The following MYRIP variants were observed in gnomAD, a reference collection of about 807,000 sequenced individuals.
MYRIP encodes the protein myosin VIIA and Rab interacting protein.
In MYRIP, 49 loss-of-function variants were observed where a neutral mutation model predicts 98.0. The ratio of observed to expected loss-of-function variants is 0.50; its 90% CI spans 0.40 to 0.63. MYRIP has a LOEUF of 0.63. Ranked by LOEUF, MYRIP falls within the 30% of genes least tolerant of loss-of-function variation. The pLI is 0.00. For synonymous variants in MYRIP, 404 were observed against 409.5 expected (o/e 0.99, Z 0.16); for missense variants, 1,004 against 1,058.2 (o/e 0.95, Z 0.71).
At chr3:40,175,977 C>T (rs1008863352) in intron 8 of MYRIP, among the ~76,000 whole-genome samples, 3 of 152,144 alleles carry the variant, frequency 2.0e-5, no homozygotes, top group Non-Finnish European at 4.4e-5. Context: ...GAGGAACAAC[C>T]ATTGCTTGAG....
At chr3:40,234,171 A>T (rs1241546060) in intron 12 of MYRIP, 118 bp downstream of exon 12, 19 of 1,003,330 alleles carry the variant, frequency 1.9e-5, no homozygotes, top group Admixed American at 3.8e-5. Flanking sequence ...CACCACTACC[A>T]CTATAGCAAA....
At chr3:40,075,958 A>C (rs1294657910) in intron 3 of MYRIP, among the ~76,000 whole-genome samples, 1 of 152,172 alleles carries the variant, frequency 6.6e-6, no homozygotes, top group Non-Finnish European at 1.5e-5. Flanking sequence ...CAATCTGGGA[A>C]GCCAAGGCAG....
At chr3:40,148,431 C>A (rs1950052464) in intron 3 of MYRIP, among the ~76,000 whole-genome samples, 1 of 152,102 alleles carries the variant, frequency 6.6e-6, no homozygotes, top group South Asian at 2.1e-4. Context: ...AGATGCTAGA[C>A]CTCCTGAATT....
intron 1 of MYRIP, among the ~76,000 whole-genome samples, chr3:39,896,626 CCCCAGCAATAATTA>C (rs1283839903): frequency 6.6e-6 from 1 of 152,180 alleles, no homozygotes; most frequent in Non-Finnish European, 1.5e-5. Context: ...AAGTGCAAAG[CCCCAGCAATAATTA>C]CCCTTTATCA....
At chr3:40,208,694 C>T (rs1380006864) in intron 10 of MYRIP, among the ~76,000 whole-genome samples, 1 of 152,208 alleles carries the variant, frequency 6.6e-6, no homozygotes, top group Admixed American at 6.5e-5. Flanking sequence ...AGCTGGTTGA[C>T]TGTTAACTTT....
At chr3:40,106,854 T>G (rs1949058126) in intron 3 of MYRIP, among the ~76,000 whole-genome samples, 1 of 152,180 alleles carries the variant, frequency 6.6e-6, no homozygotes, top group Non-Finnish European at 1.5e-5. Flanking sequence ...TTTGCCCTCC[T>G]TTTTTCTTTG....
intron 2 of MYRIP, among the ~76,000 whole-genome samples, chr3:39,921,127 T>G (rs1006300520): frequency 2.6e-5 from 4 of 152,134 alleles, no homozygotes; most frequent in African/African-American, 9.7e-5. Context: ...CTCTATGAAG[T>G]AGAGAGAATA....
chr3:40,068,551 A>G (rs1487950283), intron 3 of MYRIP, among the ~76,000 whole-genome samples: 5 of 152,234 alleles, frequency 3.3e-5, no homozygotes, highest in African/African-American at 4.8e-5. Flanking sequence ...CAGCAATTCT[A>G]TACAAAATAC....
At chr3:40,032,457 A>G in intron 2 of MYRIP, among the ~76,000 whole-genome samples, 1 of 152,092 alleles carries the variant, frequency 6.6e-6, no homozygotes. Flanking sequence ...TATGTGGTCA[A>G]TTTTTGAATA....
At chr3:39,875,241 C>A (rs1041026331) in intron 1 of MYRIP, among the ~76,000 whole-genome samples, 41 of 151,478 alleles carry the variant, frequency 2.7e-4, no homozygotes, top group Admixed American at 7.3e-4. Context: ...TTTCTTCTTT[C>A]TTAGTCTTGC....
chr3:40,162,132 C>CT (rs1483722793), intron 4 of MYRIP, among the ~76,000 whole-genome samples: 6 of 152,184 alleles, frequency 3.9e-5, no homozygotes, highest in African/African-American at 1.4e-4. Flanking sequence ...GCCTTCCCTG[C>CT]TGAACACTTT....
chr3:40,130,790 A>T (rs1949622440), intron 3 of MYRIP, among the ~76,000 whole-genome samples: 1 of 152,008 alleles, frequency 6.6e-6, no homozygotes, highest in Non-Finnish European at 1.5e-5. Context: ...TGGGGATATG[A>T]TGGGTACTCC....
intron 10 of MYRIP, among the ~76,000 whole-genome samples, chr3:40,194,580 T>C (rs1260632181): frequency 1.3e-5 from 2 of 151,968 alleles, no homozygotes; most frequent in African/African-American, 2.4e-5. Context: ...CTTAAATGAT[T>C]TGTTAAAATC....
chr3:39,826,161 A>T, intron 1 of MYRIP, among the ~76,000 whole-genome samples: 1 of 150,374 alleles, frequency 6.7e-6, no homozygotes, highest in East Asian at 2.0e-4. Flanking sequence ...TTTAGTCTCA[A>T]TTTTGCTTAT....
At chr3:40,147,425 C>G (rs1461173473) in intron 3 of MYRIP, among the ~76,000 whole-genome samples, 1 of 152,084 alleles carries the variant, frequency 6.6e-6, no homozygotes. Context: ...CTTTCAATAA[C>G]AAATGCACAT....
At chr3:40,065,785 C>T (rs948934530) in intron 3 of MYRIP, among the ~76,000 whole-genome samples, 1 of 152,152 alleles carries the variant, frequency 6.6e-6, no homozygotes, top group African/African-American at 2.4e-5. Context: ...GGATGAACCT[C>T]ATTCTACCAT....
At chr3:40,021,532 G>A (rs1025711994) in intron 2 of MYRIP, among the ~76,000 whole-genome samples, 2 of 152,180 alleles carry the variant, frequency 1.3e-5, no homozygotes, top group Admixed American at 6.5e-5. Flanking sequence ...ATGAAGTCTG[G>A]AACATTTCTA....
intron 2 of MYRIP, among the ~76,000 whole-genome samples, chr3:39,917,107 A>G (rs1245421371): frequency 6.6e-6 from 1 of 152,130 alleles, no homozygotes; most frequent in Non-Finnish European, 1.5e-5. Context: ...AATTATAATC[A>G]TATACTATAT....
intron 1 of MYRIP, among the ~76,000 whole-genome samples, chr3:39,861,232 C>T (rs979271314): frequency 3.3e-5 from 5 of 152,186 alleles, no homozygotes; most frequent in African/African-American, 7.2e-5. Context: ...CCTCAGCTGA[C>T]CCTTGGTCCC....
Sources: gnomAD v4.1 joint callset for allele counts (sites outside exome capture counted in the v4.1 genomes callset) on GRCh38, gnomAD v4.1.1 for gene constraint, MANE v1.5 for transcripts, NCBI Gene and HGNC (gene_info 2026-07-23, HGNC 2026-07-21) for gene names.